Variants in PVT1 observed in about 807,000 individuals in gnomAD.
PVT1 encodes CXCR4/PVT1 fusion.
intron 4 of PVT1, among the ~76,000 whole-genome samples, chr8:128,020,387 G>C (rs1477870501): frequency 1.3e-5 from 2 of 152,182 alleles, no homozygotes; most frequent in Non-Finnish European, 2.9e-5. Context: ...GGTTTTCTCC[G>C]ACTGTGATCA....
At chr8:128,051,719 G>T (rs1813698233) in intron 4 of PVT1, among the ~76,000 whole-genome samples, 1 of 151,982 alleles carries the variant, frequency 6.6e-6, no homozygotes, top group Non-Finnish European at 1.5e-5. Context: ...CAAGTCTGCT[G>T]CTGAAGTTCC....
chr8:128,035,429 A>T (rs937211506), intron 4 of PVT1, among the ~76,000 whole-genome samples: 1 of 152,058 alleles, frequency 6.6e-6, no homozygotes, highest in Non-Finnish European at 1.5e-5. Flanking sequence ...CTCTGCTCTC[A>T]CACTTTGTGG....
chr8:127,861,354 A>G (rs1191018723), intron 2 of PVT1, among the ~76,000 whole-genome samples: 3 of 152,180 alleles, frequency 2.0e-5, no homozygotes, highest in African/African-American at 7.2e-5. Context: ...CACACCTGTA[A>G]TCCCAGCACT....
Position 128,087,747 on chromosome 8 carries a change from CTTT to C in PVT1, n.1115-8750_1115-8748del, listed in dbSNP as rs71568675. Among the ~76,000 whole-genome samples the C allele has an allele frequency of 4.7e-3, 358 of 76,566 alleles. 4 individuals are homozygous for C. The highest frequency in any genetic ancestry group is 0.015 in the African/African-American group (313 of 20,466). 50.2% of individuals were successfully genotyped at this position (76,566 alleles called of 152,430 possible). On this transcript the variant is annotated intron_variant and non_coding_transcript_variant, in intron 5 of 10. Coordinates refer to ENST00000651587, the Ensembl canonical transcript of PVT1. Reference sequence around the variant, plus strand: ...CTCTGCTGACATTCCTGATGTGCTACTTTTTTTTTTTTTTTTTTTTTTTGAGAT... The same window carrying C: ...CTCTGCTGACATTCCTGATGTGCTACTTTTTTTTTTTTTTTTTTTTGAGAT...
intron 2 of PVT1, among the ~76,000 whole-genome samples, chr8:127,853,636 T>C (rs1350561704): frequency 1.3e-5 from 2 of 151,302 alleles, no homozygotes; most frequent in African/African-American, 4.9e-5. Flanking sequence ...CAAAAATCAG[T>C]TGGGTGTGGT....
At chr8:128,049,306 G>A (rs1163084654) in intron 4 of PVT1, 9 of 433,692 alleles carry the variant, frequency 2.1e-5, no homozygotes, top group African/African-American at 6.1e-5. Context: ...TAGAAGCAGG[G>A]CAAGGGAGAG....
At chr8:127,878,452 G>T (rs1435954342) in intron 2 of PVT1, among the ~76,000 whole-genome samples, 1 of 152,216 alleles carries the variant, frequency 6.6e-6, no homozygotes, top group African/African-American at 2.4e-5. Flanking sequence ...AAGCTTCGCA[G>T]ATTTGGAAGC....
chr8:127,816,238 G>T (rs1190020665), intron 2 of PVT1, among the ~76,000 whole-genome samples: 3 of 152,158 alleles, frequency 2.0e-5, no homozygotes, highest in Non-Finnish European at 4.4e-5. Flanking sequence ...ACTGATGGTT[G>T]ACTCTAACTC....
chr8:127,885,471 G>A (rs1815512696), intron 2 of PVT1, among the ~76,000 whole-genome samples: 1 of 152,162 alleles, frequency 6.6e-6, no homozygotes, highest in Non-Finnish European at 1.5e-5. Context: ...GTGAGGGCCT[G>A]TTTCCTGGTT....
chr8:128,001,444 G>A (rs936225308), intron 4 of PVT1, among the ~76,000 whole-genome samples: 2 of 152,040 alleles, frequency 1.3e-5, no homozygotes, highest in Non-Finnish European at 2.9e-5. Context: ...GTGCTTCTTG[G>A]GGGGTTTCCT....
chr8:127,957,770 T>A (rs1326617520), intron 3 of PVT1, among the ~76,000 whole-genome samples: 1 of 152,226 alleles, frequency 6.6e-6, no homozygotes, highest in African/African-American at 2.4e-5. Flanking sequence ...CAGCTTGTGC[T>A]GCGCAGCTGA....
chr8:127,815,635 G>A (rs968446419), intron 2 of PVT1, among the ~76,000 whole-genome samples: 10 of 152,174 alleles, frequency 6.6e-5, no homozygotes, highest in African/African-American at 2.2e-4. Context: ...AAATTCATCA[G>A]GGGCGGAGGA....
At chr8:127,872,642 T>G (rs1437832221) in intron 2 of PVT1, among the ~76,000 whole-genome samples, 2 of 152,224 alleles carry the variant, frequency 1.3e-5, no homozygotes, top group Non-Finnish European at 2.9e-5. Flanking sequence ...ACAGAAATGT[T>G]AAAAGTAGAA....
At chr8:127,874,901 CAG>C (rs1161277968) in intron 2 of PVT1, among the ~76,000 whole-genome samples, 1 of 139,832 alleles carries the variant, frequency 7.2e-6, no homozygotes, top group Non-Finnish European at 1.5e-5. Flanking sequence ...GGTTGGCCTC[CAG>C]GTGTGTGTGT....
intron 4 of PVT1, among the ~76,000 whole-genome samples, chr8:127,996,903 C>G (rs1192559275): frequency 6.6e-6 from 1 of 152,100 alleles, no homozygotes; most frequent in Non-Finnish European, 1.5e-5. Flanking sequence ...GCTCTTGGCT[C>G]TTGTGAGCCT....
chr8:127,858,805 CTTTTTTTT>C (rs35886687), intron 2 of PVT1, among the ~76,000 whole-genome samples: 40 of 47,326 alleles, frequency 8.5e-4, no homozygotes, highest in African/African-American at 1.4e-3. Flanking sequence ...CTTGAAGATT[CTTTTTTTT>C]TTTTTTTTTT....
chr8:127,908,834 G>A (rs923689803), intron 3 of PVT1, among the ~76,000 whole-genome samples: 2 of 152,156 alleles, frequency 1.3e-5, no homozygotes, highest in African/African-American at 4.8e-5. Flanking sequence ...CTGCCACAGG[G>A]AGGTGAGGCA....
intron 4 of PVT1, among the ~76,000 whole-genome samples, chr8:128,022,056 A>G (rs919470021): frequency 6.6e-6 from 1 of 152,224 alleles, no homozygotes; most frequent in Non-Finnish European, 1.5e-5. Context: ...TGTCCCAAAA[A>G]TAAAGAAAAG....
chr8:127,877,769 T>C (rs1319439322), intron 2 of PVT1, among the ~76,000 whole-genome samples: 4 of 151,732 alleles, frequency 2.6e-5, no homozygotes, highest in African/African-American at 9.7e-5. Flanking sequence ...ACAAAAAAAA[T>C]ACAAAAATTA....
Sources: gnomAD v4.1 joint callset for allele counts (sites outside exome capture counted in the v4.1 genomes callset) on GRCh38, gnomAD v4.1.1 for gene constraint, MANE v1.5 for transcripts, NCBI Gene and HGNC (gene_info 2026-07-23, HGNC 2026-07-21) for gene names.